THUMPD2: variants seen among roughly 807,000 people sequenced by gnomAD.
The protein encoded by THUMPD2 is U6 snRNA (guanine-N(2))-methyltransferase THUMPD2.
In THUMPD2, 56 loss-of-function variants were observed where a neutral mutation model predicts 49.4. The observed-to-expected ratio is 1.13, with a 90% CI of 0.91 to 1.41. The LOEUF (loss-of-function observed/expected upper bound fraction) is 1.41. Among genes scored for constraint, THUMPD2 ranks in the 40% most tolerant of loss-of-function variants. The pLI, the probability that THUMPD2 is intolerant of heterozygous loss-of-function variation, is 0.00. For synonymous variants in THUMPD2, 237 were observed against 205.2 expected (o/e 1.15, Z -1.32); for missense variants, 709 against 594.5 (o/e 1.19, Z -2.00).
At chr2:39,738,694 T>C (rs1673492783) in intron 9 of THUMPD2, among the ~76,000 whole-genome samples, 2 of 148,078 alleles carry the variant, frequency 1.4e-5, no homozygotes. Flanking sequence ...TATACATATA[T>C]AAATTATATA....
At chr2:39,755,181 G>A (rs1309029488) in intron 8 of THUMPD2, 114 bp downstream of exon 8, 1 of 605,068 alleles carries the variant, frequency 1.7e-6, no homozygotes, top group African/African-American at 2.0e-5. Flanking sequence ...TAGTCCCACA[G>A]ATATATTAAA....
chr2:39,764,888 C>T (rs1242172586), intron 5 of THUMPD2, among the ~76,000 whole-genome samples: 2 of 152,008 alleles, frequency 1.3e-5, no homozygotes, highest in African/African-American at 4.8e-5. Flanking sequence ...TTTTCAGATA[C>T]ATATCTTTTA....
chr2:39,748,985 T>TA (rs915286886), intron 8 of THUMPD2, among the ~76,000 whole-genome samples: 196 of 143,594 alleles, frequency 1.4e-3, no homozygotes, highest in East Asian at 2.4e-3. Flanking sequence ...GTCTCTCTCT[T>TA]AAAAAAAAAA....
At chr2:39,767,668 C>T (rs1677733446) in intron 4 of THUMPD2, among the ~76,000 whole-genome samples, 1 of 138,560 alleles carries the variant, frequency 7.2e-6, no homozygotes, top group African/African-American at 2.7e-5. Context: ...TATGTCAAAA[C>T]ATTCTTGGGA....
chr2:39,759,745 T>C (rs778005592), intron 6 of THUMPD2, among the ~76,000 whole-genome samples: 11 of 152,254 alleles, frequency 7.2e-5, no homozygotes, highest in Non-Finnish European at 1.2e-4. Flanking sequence ...TAAATGACAA[T>C]GGAACAGCAT....
At chr2:39,759,126 G>C (rs1423467440) in intron 6 of THUMPD2, among the ~76,000 whole-genome samples, 1 of 152,058 alleles carries the variant, frequency 6.6e-6, no homozygotes, top group Non-Finnish European at 1.5e-5. Context: ...TTGGAGGATA[G>C]AGCCAGGAAG....
At chr2:39,742,705 C>A (rs1033365368) in intron 9 of THUMPD2, among the ~76,000 whole-genome samples, 1 of 152,180 alleles carries the variant, frequency 6.6e-6, no homozygotes, top group African/African-American at 2.4e-5. Context: ...GTCATTAACT[C>A]TGGCTGCACT....
At chr2:39,777,181 C>A (rs754851949) in intron 1 of THUMPD2, among the ~76,000 whole-genome samples, 12 of 152,184 alleles carry the variant, frequency 7.9e-5, no homozygotes, top group Non-Finnish European at 1.3e-4. Flanking sequence ...ATCTTTATTT[C>A]AGGGACTGCA....
chr2:39,743,233 G>A (rs1282725758), intron 9 of THUMPD2, among the ~76,000 whole-genome samples: 1 of 152,132 alleles, frequency 6.6e-6, no homozygotes, highest in African/African-American at 2.4e-5. Flanking sequence ...CAAATTCCCA[G>A]CTAGACAATT....
At chr2:39,771,246 G>A (rs527463921) in intron 2 of THUMPD2, among the ~76,000 whole-genome samples, 103 of 152,162 alleles carry the variant, frequency 6.8e-4, no homozygotes, top group African/African-American at 2.4e-3. Context: ...GAAGGTACCT[G>A]ATCATAATTC....
At chr2:39,775,239 A>G (rs1050560696) in intron 1 of THUMPD2, among the ~76,000 whole-genome samples, 4 of 152,260 alleles carry the variant, frequency 2.6e-5, no homozygotes, top group African/African-American at 9.6e-5. Context: ...TGATCACGCC[A>G]CTGTTCCCTA....
rs774580208 is a variant in THUMPD2 at position 39,775,760 on chromosome 2, C to CAA, written c.126+3352_126+3353dup. The stretch of plus-strand genomic sequence containing the variant: ...CCTGGGCGACAGAGTAACACTATGT[C>CAA]AAAAAAAAAAAAAAAAAAAAAAAAA... On this transcript the variant is annotated intron_variant, in intron 1 of 9. Transcript: ENST00000505747. Among the ~76,000 whole-genome samples the CAA allele has an allele frequency of 4.3e-3, 273 of 63,332 alleles. 22 individuals are homozygous for CAA. The highest frequency in any genetic ancestry group is 0.016 in the African/African-American group (252 of 15,858). 41.5% of individuals were successfully genotyped at this position (63,332 alleles called of 152,430 possible).
chr2:39,745,536 C>T (rs1254609662), intron 8 of THUMPD2, among the ~76,000 whole-genome samples: 1 of 152,122 alleles, frequency 6.6e-6, no homozygotes, highest in African/African-American at 2.4e-5. Context: ...AATAAATAGA[C>T]AACGAAGGCA....
chr2:39,744,577 C>T (rs184580784), intron 8 of THUMPD2, 99 bp from the exon 9 acceptor site: 24 of 735,054 alleles, frequency 3.3e-5, no homozygotes, highest in African/African-American at 5.7e-5. Flanking sequence ...TTTTGCGTAA[C>T]AGATTAACAT....
intron 9 of THUMPD2, among the ~76,000 whole-genome samples, chr2:39,738,202 C>G (rs1288786208): frequency 6.6e-6 from 1 of 152,138 alleles, no homozygotes. Flanking sequence ...CAGAGAAAAT[C>G]TGGACAACAG....
chr2:39,751,681 A>AT (rs11284104), intron 8 of THUMPD2, among the ~76,000 whole-genome samples: 15,541 of 119,892 alleles, frequency 0.13, 2,164 homozygotes, highest in African/African-American at 0.32. Flanking sequence ...ATATTAAAAG[A>AT]TTTTTTTTTT....
intron 1 of THUMPD2, among the ~76,000 whole-genome samples, chr2:39,772,788 G>C (rs758851532): frequency 5.3e-5 from 8 of 152,196 alleles, no homozygotes; most frequent in Non-Finnish European, 1.0e-4. Flanking sequence ...ACCAGGGAAT[G>C]TGGGGTTTCC....
In THUMPD2 at chr2:39,736,565, T is replaced by C; in HGVS notation, c.*170A>G. The C allele has an allele frequency of 1.9e-6, 1 of 514,652 alleles. No homozygotes were observed. The highest frequency in any genetic ancestry group is 3.4e-6 in the Non-Finnish European group (1 of 297,640). The allele number at this position is 514,652 out of a possible 1,614,324, so 31.9% of individuals were successfully genotyped here. ...CAAAAACATTAAGTACTTTAGAATA[T>C]AAAGCAGAAACTCTTACCAAGCATG... On this transcript the variant is annotated 3_prime_UTR_variant, in exon 10 of 10. Transcript: ENST00000505747.
intron 9 of THUMPD2, among the ~76,000 whole-genome samples, chr2:39,737,966 A>G (rs918877974): frequency 2.0e-5 from 3 of 152,142 alleles, no homozygotes; most frequent in African/African-American, 4.8e-5. Context: ...TGATGTACCT[A>G]AGGAACACAT....
Sources: allele counts gnomAD v4.1 joint callset (sites outside exome capture counted in the v4.1 genomes callset), GRCh38; gene constraint gnomAD v4.1.1; transcripts MANE v1.5; gene names NCBI Gene and HGNC (gene_info 2026-07-23, HGNC 2026-07-21).